Variants in PHACTR4 observed in about 807,000 individuals in gnomAD.
PHACTR4 encodes the protein phosphatase and actin regulator 4, also known as protein phosphatase 1, regulatory subunit 124.
In PHACTR4, 51 loss-of-function variants were observed where a neutral mutation model predicts 72.7. The ratio of observed to expected loss-of-function variants is 0.70; its 90% CI spans 0.56 to 0.89. The LOEUF (loss-of-function observed/expected upper bound fraction) is 0.89. Among genes scored for constraint, PHACTR4 ranks in the 40% least tolerant of loss-of-function variants. The probability of loss-of-function intolerance (pLI) is 0.00; values close to 1 mark genes in which losing one functional copy is unlikely to be tolerated. For synonymous variants in PHACTR4, 255 were observed against 302.5 expected (o/e 0.84, Z 1.63); for missense variants, 731 against 861.8 (o/e 0.85, Z 1.90).
Position 28,392,858 on chromosome 1 carries a change from G to A in PHACTR4, c.-38-14552G>A, listed in dbSNP as rs535926430. On this transcript the variant is annotated intron_variant, in intron 1 of 13. Coordinates refer to ENST00000373839, the MANE Select transcript of PHACTR4 (RefSeq NM_001048183.3). ...ATTTGAAAGAATGAATTTTCTATCTGTGAAATTGTGAAGACGAAAAAAGAA... is the reference window on the plus strand; with the variant it reads ...ATTTGAAAGAATGAATTTTCTATCTATGAAATTGTGAAGACGAAAAAAGAA... Among the ~76,000 whole-genome samples the A allele has an allele frequency of 1.3e-4, 20 of 152,034 alleles. No individual in the cohort carries two copies. The South Asian group carries it at 3.9e-3, about 30-fold the overall frequency.
At chr1:28,467,415 G>GTGT (rs1417100580) in intron 6 of PHACTR4, among the ~76,000 whole-genome samples, 10 of 143,552 alleles carry the variant, frequency 7.0e-5, no homozygotes, top group African/African-American at 2.4e-4. Flanking sequence ...GTGTGTGTGT[G>GTGT]TGTAATTGGA....
intron 9 of PHACTR4, among the ~76,000 whole-genome samples, chr1:28,481,849 C>T (rs1222220541): frequency 3.3e-5 from 5 of 151,472 alleles, no homozygotes; most frequent in Admixed American, 2.0e-4. Context: ...AGTTGGGTAT[C>T]CTCTAAGAAT....
rs757386469 is a variant in PHACTR4, at chr1:28,384,211, C to A, written c.-39+14386C>A. On this transcript the variant is annotated intron_variant, in intron 1 of 13. Transcript: ENST00000373839. Reference sequence around the variant, plus strand: ...TAGGAAGGAGTCCCTCCTCTTCATTCTTTTGGAATGGTTTCAGCAGGAATG... The same window carrying A: ...TAGGAAGGAGTCCCTCCTCTTCATTATTTTGGAATGGTTTCAGCAGGAATG... Among the ~76,000 whole-genome samples the A allele has an allele frequency of 9.9e-5, 15 of 152,028 alleles. 1 individual carries two copies. Among genetic ancestry groups the A allele is most frequent in the Non-Finnish European group, 2.2e-4 (15 of 68,010 alleles).
At chr1:28,452,980 G>C (rs1658087627) in intron 2 of PHACTR4, among the ~76,000 whole-genome samples, 1 of 151,986 alleles carries the variant, frequency 6.6e-6, no homozygotes, top group Non-Finnish European at 1.5e-5. Flanking sequence ...TTAGCCGGGT[G>C]TGGTTTTGCG....
intron 1 of PHACTR4, among the ~76,000 whole-genome samples, chr1:28,376,184 A>G (rs1361245830): frequency 1.3e-5 from 2 of 151,322 alleles, no homozygotes; most frequent in Non-Finnish European, 2.9e-5. Context: ...CTTTTTTTTC[A>G]CTGCTGTGGT....
At chr1:28,487,685 T>C (rs927024654) in intron 9 of PHACTR4, among the ~76,000 whole-genome samples, 1 of 144,732 alleles carries the variant, frequency 6.9e-6, no homozygotes, top group African/African-American at 2.5e-5. Flanking sequence ...AAGAAATGAA[T>C]AACTTTCTGA....
intron 2 of PHACTR4, among the ~76,000 whole-genome samples, chr1:28,453,119 C>G (rs1164566900): frequency 6.6e-6 from 1 of 151,828 alleles, no homozygotes; most frequent in Non-Finnish European, 1.5e-5. Context: ...AACTTTGTCT[C>G]AAAAAAATAA....
At chr1:28,429,458 C>T (rs944770585) in intron 2 of PHACTR4, among the ~76,000 whole-genome samples, 2 of 152,030 alleles carry the variant, frequency 1.3e-5, no homozygotes, top group African/African-American at 2.4e-5. Context: ...TTCTGGCCTC[C>T]GTGAGAAAAG....
In PHACTR4 at chr1:28,456,774, A is replaced by G. The variant is rs117065382; in HGVS notation, c.17-2311A>G. ...ATTTCAACTATTTGCCTGTAATCTCAGCTACTCAGGAGGCTGAGGCAGAGG... is the reference window on the plus strand; with the variant it reads ...ATTTCAACTATTTGCCTGTAATCTCGGCTACTCAGGAGGCTGAGGCAGAGG... On this transcript the variant is annotated intron_variant, in intron 2 of 13. Transcript: ENST00000373839. 9.2e-5 allele frequency among the ~76,000 whole-genome samples: 14 copies of G among 152,062 alleles called. 1 individual carries two copies. The East Asian group carries it at 2.5e-3, about 27-fold the overall frequency.
At chr1:28,478,862 ATCC>A (rs1451114479) in intron 8 of PHACTR4, among the ~76,000 whole-genome samples, 1 of 152,018 alleles carries the variant, frequency 6.6e-6, no homozygotes, top group Non-Finnish European at 1.5e-5. Context: ...GCCTCAAGCA[ATCC>A]TCCTGCCTTG....
chr1:28,491,493 C>T (rs1180439901), intron 11 of PHACTR4, among the ~76,000 whole-genome samples, 157 bp from the exon 12 acceptor site: 3 of 151,856 alleles, frequency 2.0e-5, no homozygotes, highest in Non-Finnish European at 4.4e-5. Flanking sequence ...ACCTGATAAC[C>T]ATAATCACTG....
intron 1 of PHACTR4, among the ~76,000 whole-genome samples, chr1:28,378,471 C>T (rs1265394836): frequency 6.6e-6 from 1 of 151,714 alleles, no homozygotes; most frequent in Non-Finnish European, 1.5e-5. Flanking sequence ...CCATTGCACT[C>T]CAGCCTGGGT....
At chr1:28,385,235 T>G (rs1406278651) in intron 1 of PHACTR4, among the ~76,000 whole-genome samples, 1 of 152,190 alleles carries the variant, frequency 6.6e-6, no homozygotes, top group East Asian at 1.9e-4. Flanking sequence ...CTGCCTTAAT[T>G]TCATTATTTA....
chr1:28,438,243 G>A (rs1283917408), intron 2 of PHACTR4: 1 of 1,418,566 alleles, frequency 7.0e-7, no homozygotes, highest in African/African-American at 1.5e-5. Flanking sequence ...CAGATGAACT[G>A]ACCTTATGCC....
At chr1:28,400,237 T>G (rs1269813922) in intron 1 of PHACTR4, among the ~76,000 whole-genome samples, 1 of 151,880 alleles carries the variant, frequency 6.6e-6, no homozygotes, top group East Asian at 1.9e-4. Context: ...GCCGGGCGTC[T>G]TGGCGCACGC....
At chr1:28,387,593 A>G (rs1038318070) in intron 1 of PHACTR4, among the ~76,000 whole-genome samples, 1 of 151,928 alleles carries the variant, frequency 6.6e-6, no homozygotes, top group Non-Finnish European at 1.5e-5. Flanking sequence ...TGTATGTATT[A>G]AAGGGTGAAA....
At chr1:28,458,710 G>GA (rs1199646922) in intron 2 of PHACTR4, among the ~76,000 whole-genome samples, 1 of 152,126 alleles carries the variant, frequency 6.6e-6, no homozygotes, top group Non-Finnish European at 1.5e-5. Context: ...GTTTAATAGA[G>GA]AAAATGATTC....
At chr1:28,418,308 C>CAAAAAA (rs1197069007) in intron 2 of PHACTR4, among the ~76,000 whole-genome samples, 2 of 130,040 alleles carry the variant, frequency 1.5e-5, no homozygotes, top group African/African-American at 3.0e-5. Context: ...ACTAAAAATA[C>CAAAAAA]AAAAAAAAAA....
At chr1:28,449,873 G>A (rs1403705402) in intron 2 of PHACTR4, among the ~76,000 whole-genome samples, 2 of 151,272 alleles carry the variant, frequency 1.3e-5, no homozygotes, top group African/African-American at 4.9e-5. Context: ...AATCACCCCT[G>A]AAATTCATAT....
Sources: allele counts gnomAD v4.1 joint callset (sites outside exome capture counted in the v4.1 genomes callset), GRCh38; gene constraint gnomAD v4.1.1; transcripts MANE v1.5; gene names NCBI Gene and HGNC (gene_info 2026-07-23, HGNC 2026-07-21).